TCOF1: variants seen among roughly 807,000 people sequenced by gnomAD.
TCOF1 encodes the protein treacle protein.
Under a neutral mutation model 149.0 loss-of-function variants are expected in TCOF1, and 33 were observed. That is an observed-to-expected ratio of 0.22 (90% CI 0.17 to 0.30). The LOEUF (loss-of-function observed/expected upper bound fraction) is 0.30, where lower values mean the gene tolerates loss of function less well. Ranked by LOEUF, TCOF1 falls within the 10% of genes least tolerant of loss-of-function variation. The pLI is 1.00. For missense variants in TCOF1, 1,728 were observed against 1,840.7 expected (o/e 0.94, Z 1.12); for synonymous variants, 789 against 738.8 (o/e 1.07, Z -1.10).
chr5:150,397,118 A>G (rs1768718635), intron 24 of TCOF1, among the ~76,000 whole-genome samples: 2 of 137,206 alleles, frequency 1.5e-5, no homozygotes, highest in Admixed American at 8.4e-5. Context: ...GAGATCACGC[A>G]TTGCACTCCA....
chr5:150,357,833 A>G lies in TCOF1; in HGVS notation c.87A>G (p.Glu29=). The part of the protein sequence containing the change: ...LRAGYVRAAR[E]VKEQSGQKCF... ...CTGGCTATGTGCGTGCGGCGCGGGA[A>G]GTGAAGGAGCAGAGCGGCCAGGTAA... is the stretch of plus-strand genomic sequence containing the variant. Residue 29 remains glutamate, a synonymous_variant, in exon 1 of 27, where the codon GAA becomes GAG. Coordinates refer to ENST00000643257, the MANE Select transcript of TCOF1 (RefSeq NM_001371623.1). 2 of 1,549,622 alleles carry G rather than the reference A, an allele frequency of 1.3e-6. No homozygotes were observed. Among genetic ancestry groups the G allele is most frequent in the Non-Finnish European group, 8.7e-7 (1 of 1,146,440 alleles).
chr5:150,375,415 G>T lies in TCOF1; in HGVS notation c.1565G>T (p.Gly522Val), dbSNP rs370171888. ...ATGGGGCCCTTGGGGAAAGGCGCCG[G>T]CCCAGTGCCACCCGGGAAGGTGGGG... is the stretch of plus-strand genomic sequence containing the variant. ...MGMGPLGKGA[G>V]PVPPGKVGPA... The change falls in exon 11 of 27, where the codon GGC becomes GTC. Residue 522 changes from glycine (G) to valine (V), a missense_variant. Gly to Val is a moderately radical substitution (Grantham distance 109). Transcript: ENST00000643257. The T allele has an allele frequency of 6.7e-5, 108 of 1,612,660 alleles. No individual in the cohort carries two copies. The highest frequency in any genetic ancestry group is 8.2e-5 in the Non-Finnish European group (97 of 1,179,690).
In TCOF1 at chr5:150,388,024, C is replaced by A. The variant is rs1383872178; in HGVS notation, c.2982C>A (p.Ala994=). 1 of 1,613,720 alleles carries A rather than the reference C, an allele frequency of 6.2e-7. No homozygotes were observed. Among genetic ancestry groups the A allele is most frequent in the Non-Finnish European group, 8.5e-7 (1 of 1,180,040 alleles). Residue 994 remains alanine (A), a synonymous_variant, in exon 18 of 27, where the codon GCC becomes GCA. Coordinates refer to ENST00000643257, the MANE Select transcript of TCOF1 (RefSeq NM_001371623.1). ...AGGCCCGAGCCTCGGAGAGCACAGC[C>A]AGGAGCTCCTCCTCCGAGAGCGAGG... is the stretch of plus-strand genomic sequence containing the variant. The part of the protein sequence containing the change: ...PRKARASEST[A]RSSSSESEDE...
chr5:150,376,677 G>A, intron 14 of TCOF1, 57 bp downstream of exon 14: 1 of 1,526,000 alleles, frequency 6.6e-7, no homozygotes, highest in East Asian at 2.5e-5. Context: ...AGCCAGGGCT[G>A]AGGATGGGCT....
intron 14 of TCOF1, among the ~76,000 whole-genome samples, chr5:150,378,365 A>G (rs894621395): frequency 1.3e-5 from 2 of 151,938 alleles, no homozygotes; most frequent in Non-Finnish European, 2.9e-5. Context: ...TTCTCTGGAT[A>G]TCGGTTAAGG....
chr5:150,387,386 T>C (rs1766500037), intron 17 of TCOF1, among the ~76,000 whole-genome samples: 2 of 152,192 alleles, frequency 1.3e-5, no homozygotes, highest in South Asian at 4.1e-4. Flanking sequence ...GGGCCATGTA[T>C]CAGGAGGGCT....
chr5:150,391,366 T>C (rs934409242), intron 19 of TCOF1, among the ~76,000 whole-genome samples, 178 bp from the exon 20 acceptor site: 9 of 152,190 alleles, frequency 5.9e-5, no homozygotes, highest in Non-Finnish European at 1.3e-4. Context: ...TGTCCCTTGC[T>C]CCTTGAGAAC....
intron 17 of TCOF1, among the ~76,000 whole-genome samples, chr5:150,381,773 T>C (rs562970657): frequency 6.6e-6 from 1 of 152,372 alleles, no homozygotes; most frequent in South Asian, 2.1e-4. Flanking sequence ...TGTCTTAAAG[T>C]GCACAAAGTC....
intron 23 of TCOF1, among the ~76,000 whole-genome samples, chr5:150,395,260 C>T (rs1462099009): frequency 2.0e-5 from 3 of 152,244 alleles, no homozygotes; most frequent in Admixed American, 1.3e-4. Flanking sequence ...GGAGTATCCA[C>T]CTGGGCCTTC....
intron 18 of TCOF1, among the ~76,000 whole-genome samples, chr5:150,389,176 A>G (rs1321214121): frequency 2.6e-5 from 4 of 152,234 alleles, no homozygotes; most frequent in Non-Finnish European, 5.9e-5. Flanking sequence ...ACAGATTAGC[A>G]CATAAGAAAC....
intron 17 of TCOF1, chr5:150,384,212 C>G: frequency 1.0e-6 from 1 of 1,001,608 alleles, no homozygotes; most frequent in Non-Finnish European, 1.2e-6. Context: ...CTCTCACTTT[C>G]CAATGGCACA....
At chr5:150,373,737 T>C (rs1334990907) in intron 7 of TCOF1, among the ~76,000 whole-genome samples, 1 of 152,196 alleles carries the variant, frequency 6.6e-6, no homozygotes, top group African/African-American at 2.4e-5. Context: ...ATTCCTTCCC[T>C]TCCCTGGGCC....
At chr5:150,373,273 T>C (rs974484599) in intron 7 of TCOF1, among the ~76,000 whole-genome samples, 1 of 152,140 alleles carries the variant, frequency 6.6e-6, no homozygotes, top group African/African-American at 2.4e-5. Context: ...AGCTGTGGAC[T>C]CAAGCAGTCC....
chr5:150,380,010 T>C (rs912207522), intron 17 of TCOF1: 55 of 411,902 alleles, frequency 1.3e-4, no homozygotes, highest in Non-Finnish European at 1.4e-4. Context: ...AGGCGGAGGC[T>C]GCAGCAAGCC....
Position 150,396,605 on chromosome 5 carries a change from G to T in TCOF1, c.4108G>T (p.Ala1370Ser). 1.3e-6 allele frequency: 2 copies of T among 1,586,348 alleles called. No homozygotes were observed. The highest frequency in any genetic ancestry group is 1.1e-5 in the South Asian group (1 of 88,292). ...GAGCAAGAAGAAGAAGAAGCTGGGG[G>T]CCGGGGAAGGTGGGGAGGCCTCTGT... Reference protein sequence around the residue: ...PRSKKKKKLGAGEGGEASVSP... With the variant: ...PRSKKKKKLGSGEGGEASVSP... Residue 1370 changes from alanine to serine, a missense_variant, in exon 24 of 27, where the codon GCC becomes TCC. Coordinates refer to ENST00000643257, the MANE Select transcript of TCOF1 (RefSeq NM_001371623.1).
Position 150,372,018 on chromosome 5 carries a change from G to A in TCOF1, c.652G>A (p.Val218Ile), listed in dbSNP as rs1364549581. The change falls in exon 7 of 27, where the codon GTA becomes ATA. Residue 218 changes from valine to isoleucine, a missense_variant. Physicochemically the swap from Val to Ile is conservative, Grantham distance 29. Transcript: ENST00000643257. ...CCTCTTGTTCCAGGGGAAACCCTCA[G>A]TAAAACCAGCCCAGGTCAAAGCCTC... is the stretch of plus-strand genomic sequence containing the variant. ...DETDVEGKPS[V>I]KPAQVKASSV... is the part of the protein sequence containing the mutation. 1.2e-6 allele frequency: 2 copies of A among 1,614,084 alleles called. No individual in the cohort carries two copies. Among genetic ancestry groups the A allele is most frequent in the African/African-American group, 2.7e-5 (2 of 74,918 alleles).
intron 2 of TCOF1, among the ~76,000 whole-genome samples, chr5:150,362,766 C>T (rs1760428622): frequency 6.6e-6 from 1 of 152,204 alleles, no homozygotes. Context: ...CACTTCCTCA[C>T]CCTGACTTGC....
At chr5:150,383,791 A>G in intron 17 of TCOF1, 1 of 1,551,740 alleles carries the variant, frequency 6.4e-7, no homozygotes, top group Non-Finnish European at 8.7e-7. Context: ...TCTCTCAAGC[A>G]CCTGTGGCAT....
intron 20 of TCOF1, 113 bp from the exon 21 acceptor site, chr5:150,391,844 C>A: frequency 1.7e-6 from 2 of 1,192,958 alleles, no homozygotes; most frequent in Non-Finnish European, 2.4e-6. Context: ...TCAAATGAGG[C>A]TGCATGTGTG....
Sources: allele counts gnomAD v4.1 joint callset (sites outside exome capture counted in the v4.1 genomes callset), GRCh38; gene constraint gnomAD v4.1.1; transcripts MANE v1.5; gene names NCBI Gene and HGNC (gene_info 2026-07-23, HGNC 2026-07-21).